Variants in IQCJ observed in about 807,000 individuals in gnomAD.
IQCJ encodes the protein IQ domain-containing protein J.
A neutral mutation model predicts 11.0 loss-of-function variants in IQCJ; 9 were observed. That is an observed-to-expected ratio of 0.82 (90% CI 0.49 to 1.43). The LOEUF is 1.43. IQCJ is among the 40% of genes most tolerant of loss of function. The probability of loss-of-function intolerance (pLI) is 0.00; values close to 1 mark genes in which losing one functional copy is unlikely to be tolerated. For synonymous variants in IQCJ, 55 were observed against 51.3 expected (o/e 1.07, Z -0.31); for missense variants, 146 against 133.2 (o/e 1.10, Z -0.47).
intron 1 of IQCJ, among the ~76,000 whole-genome samples, chr3:159,119,180 C>A (rs1375912589): frequency 3.9e-5 from 6 of 152,200 alleles, no homozygotes; most frequent in Admixed American, 3.9e-4. Context: ...TATCCTACTG[C>A]AATGTCCCCT....
At chr3:159,193,804 G>A (rs561191393) in intron 1 of IQCJ, among the ~76,000 whole-genome samples, 1 of 152,260 alleles carries the variant, frequency 6.6e-6, no homozygotes, top group East Asian at 1.9e-4. Context: ...GCGGGACGTT[G>A]GTCAGCAGTG....
At chr3:159,076,113 AT>A (rs1339739452) in intron 1 of IQCJ, among the ~76,000 whole-genome samples, 1 of 152,072 alleles carries the variant, frequency 6.6e-6, no homozygotes, top group Non-Finnish European at 1.5e-5. Context: ...CTGATAATGA[AT>A]TTCTCACTGA....
chr3:159,069,694 C>T (rs1482991400), intron 1 of IQCJ: 10 of 588,026 alleles, frequency 1.7e-5, no homozygotes, highest in South Asian at 1.1e-4. Flanking sequence ...AAAGGAATCT[C>T]ATTGAAAGCA....
chr3:159,081,294 C>G (rs1487335510), intron 1 of IQCJ, among the ~76,000 whole-genome samples: 4 of 152,142 alleles, frequency 2.6e-5, no homozygotes, highest in Admixed American at 6.6e-5. Flanking sequence ...TAGACTCTCT[C>G]TGGCGCCTCA....
chr3:159,238,061 T>C (rs1726694418), intron 1 of IQCJ, among the ~76,000 whole-genome samples: 1 of 151,908 alleles, frequency 6.6e-6, no homozygotes, highest in Non-Finnish European at 1.5e-5. Flanking sequence ...TTATCAATAG[T>C]TGAATGGGGC....
chr3:159,187,451 ATTAAAGCTGTGACTACACGTCCT>A (rs1723434460), intron 1 of IQCJ, among the ~76,000 whole-genome samples: 1 of 152,250 alleles, frequency 6.6e-6, no homozygotes, highest in African/African-American at 2.4e-5. Context: ...AGCAAGCACT[ATTAAAGCTGTGACTACACGTCCT>A]TTTCAACGAA....
At chr3:159,202,917 G>A (rs1333758670) in intron 1 of IQCJ, among the ~76,000 whole-genome samples, 1 of 152,088 alleles carries the variant, frequency 6.6e-6, no homozygotes, top group Non-Finnish European at 1.5e-5. Context: ...ACCTCAGTCA[G>A]CTTTCTTTTC....
intron 1 of IQCJ, among the ~76,000 whole-genome samples, chr3:159,085,164 A>G (rs560332076): frequency 4.7e-4 from 71 of 151,118 alleles, no homozygotes; most frequent in African/African-American, 1.7e-3. Context: ...GAGAATATGC[A>G]GTGTTTGGGT....
At chr3:159,239,857 G>T (rs1039452338) in intron 1 of IQCJ, among the ~76,000 whole-genome samples, 1 of 152,128 alleles carries the variant, frequency 6.6e-6, no homozygotes, top group Non-Finnish European at 1.5e-5. Context: ...TGCTTTATAG[G>T]TTTGTAGCCC....
chr3:159,170,415 T>C (rs1462546717), intron 1 of IQCJ, among the ~76,000 whole-genome samples: 1 of 152,200 alleles, frequency 6.6e-6, no homozygotes, highest in Non-Finnish European at 1.5e-5. Context: ...ATGTAAATAA[T>C]TTTTGAAGAT....
chr3:159,147,386 C>T (rs1482315488), intron 1 of IQCJ, among the ~76,000 whole-genome samples: 2 of 152,228 alleles, frequency 1.3e-5, no homozygotes, highest in African/African-American at 4.8e-5. Context: ...TCCTCTTCCT[C>T]ATAACTTCTA....
At chr3:159,080,817 T>G (rs927655621) in intron 1 of IQCJ, among the ~76,000 whole-genome samples, 3 of 152,082 alleles carry the variant, frequency 2.0e-5, no homozygotes, top group Non-Finnish European at 1.5e-5. Flanking sequence ...GAGTCTGTGT[T>G]CTTTATACTG....
At chr3:159,197,237 A>G (rs1178152753) in intron 1 of IQCJ, among the ~76,000 whole-genome samples, 2 of 152,210 alleles carry the variant, frequency 1.3e-5, no homozygotes, top group African/African-American at 4.8e-5. Flanking sequence ...TAAGAGCTTC[A>G]TGGAGGAAGT....
chr3:159,177,325 G>T (rs1322768226), intron 1 of IQCJ, among the ~76,000 whole-genome samples: 1 of 152,098 alleles, frequency 6.6e-6, no homozygotes, highest in African/African-American at 2.4e-5. Context: ...CTGGGTGACT[G>T]CATGCCTATT....
chr3:159,111,730 A>G (rs2108121122), intron 1 of IQCJ, among the ~76,000 whole-genome samples: 1 of 152,312 alleles, frequency 6.6e-6, no homozygotes, highest in Middle Eastern at 3.4e-3. Context: ...TCACATTCCC[A>G]GAGGTGATTC....
chr3:159,123,716 G>C (rs1010928509), intron 1 of IQCJ, among the ~76,000 whole-genome samples: 9 of 152,148 alleles, frequency 5.9e-5, no homozygotes, highest in Admixed American at 5.2e-4. Flanking sequence ...TGATTTTCCA[G>C]CTCCAAGCTC....
At chr3:159,127,704 C>G (rs542097098) in intron 1 of IQCJ, among the ~76,000 whole-genome samples, 2 of 152,286 alleles carry the variant, frequency 1.3e-5, no homozygotes, top group South Asian at 4.2e-4. Flanking sequence ...TTTATCAAAT[C>G]TATTATCAGT....
At chr3:159,149,908 C>A (rs2108199486) in intron 1 of IQCJ, among the ~76,000 whole-genome samples, 1 of 152,292 alleles carries the variant, frequency 6.6e-6, no homozygotes, top group Non-Finnish European at 1.5e-5. Context: ...CTGCCTCCTT[C>A]ATTCACTTTA....
At chr3:159,257,107 G>A (rs772407371) in intron 3 of IQCJ, among the ~76,000 whole-genome samples, 1 of 152,094 alleles carries the variant, frequency 6.6e-6, no homozygotes, top group Non-Finnish European at 1.5e-5. Context: ...GCTATTTCTG[G>A]GATGCAATGT....
Sources: gnomAD v4.1 joint callset for allele counts (sites outside exome capture counted in the v4.1 genomes callset) on GRCh38, gnomAD v4.1.1 for gene constraint, MANE v1.5 for transcripts, NCBI Gene and HGNC (gene_info 2026-07-23, HGNC 2026-07-21) for gene names.